Variants in SUCO observed in about 807,000 individuals in gnomAD.
SUCO encodes SUN domain-containing ossification factor.
Under a neutral mutation model 148.1 loss-of-function variants are expected in SUCO, and 57 were observed. The observed-to-expected ratio is 0.38, with a 90% confidence interval of 0.31 to 0.48. The LOEUF (loss-of-function observed/expected upper bound fraction) is 0.48. Ranked by LOEUF, SUCO falls within the 20% of genes least tolerant of loss-of-function variation. The pLI is 0.96. For missense variants in SUCO, 1,331 were observed against 1,468.2 expected, an observed-to-expected ratio of 0.91 and a Z score of 1.53; for synonymous variants, 470 against 502.7, an observed-to-expected ratio of 0.93 and a Z score of 0.87.
intron 8 of SUCO, 153 bp downstream of exon 8, chr1:172,570,324 A>G: frequency 2.0e-6 from 1 of 506,704 alleles, no homozygotes; most frequent in Non-Finnish European, 3.4e-6. Context: ...ATTATCTTGT[A>G]TGAATTCTTA....
In SUCO at chr1:172,598,942, C is replaced by G. The variant is rs193070735; in HGVS notation, c.2914-1122C>G. Among the ~76,000 whole-genome samples, 5 of 152,232 alleles carry G rather than the reference C, an allele frequency of 3.3e-5. No homozygotes were observed. In the East Asian group the frequency reaches 9.6e-4, roughly 29 times the overall value. ...TTTTGTTACAGTTTTATACACCCCCCCTCTCCACACACAGGTACACAGCTT... is the reference window on the plus strand; with the variant it reads ...TTTTGTTACAGTTTTATACACCCCCGCTCTCCACACACAGGTACACAGCTT... On this transcript the variant is annotated intron_variant, in intron 19 of 23. Coordinates refer to ENST00000263688, the MANE Select transcript of SUCO (RefSeq NM_014283.5).
intron 19 of SUCO, among the ~76,000 whole-genome samples, chr1:172,596,548 C>G (rs934313621): frequency 6.6e-5 from 10 of 152,210 alleles, no homozygotes; most frequent in Non-Finnish European, 1.5e-4. Context: ...TGCTGGAGGT[C>G]CACTCCAAAC....
At position 172,602,707 on chromosome 1, in the gene SUCO, C is replaced by T. The variant is rs1343563337; in HGVS notation, c.3185C>T (p.Ser1062Phe). 6.2e-7 allele frequency: 1 copy of T among 1,612,682 alleles called. No homozygotes were observed. The highest frequency in any genetic ancestry group is 1.3e-5 in the African/African-American group (1 of 74,954). ...QYPSPKRCFSSYDDMNLKRRT... is the reference protein window; with the variant it reads ...QYPSPKRCFSFYDDMNLKRRT... ...TCCTAATGTGTTAGGTGTTTCTCTT[C>T]CTATGATGATATGAATTTGAAAAGA... Residue 1062 changes from serine (S) to phenylalanine (F), a missense_variant, in exon 22 of 24, where the codon TCC becomes TTC. Physicochemically the swap from Ser to Phe is radical, Grantham distance 155. Transcript: ENST00000263688.
chr1:172,537,366 A>G (rs998105849), intron 1 of SUCO, among the ~76,000 whole-genome samples: 2 of 152,156 alleles, frequency 1.3e-5, no homozygotes, highest in Non-Finnish European at 2.9e-5. Flanking sequence ...TTGACCTACT[A>G]GATTATTTTA....
Position 172,566,803 on chromosome 1 carries a change from C to T in SUCO, c.733-2216C>T, listed in dbSNP as rs1052550172. Among the ~76,000 whole-genome samples the T allele has an allele frequency of 3.9e-5, 6 of 152,136 alleles. No individual in the cohort carries two copies. The East Asian group carries it at 5.8e-4, about 15-fold the overall frequency. ...ATGGCAGTGCTAAACTGACAAGGCA[C>T]GCTGGTGGGCATGTCTTACAGAAAC... On this transcript the variant is annotated intron_variant, in intron 6 of 23. Transcript: ENST00000263688.
chr1:172,533,417 G>T lies in SUCO; in HGVS notation c.-19G>T, dbSNP rs1344120798. 2.7e-5 allele frequency: 42 copies of T among 1,555,392 alleles called. No individual in the cohort carries two copies. The highest frequency in any genetic ancestry group is 3.5e-5 in the Non-Finnish European group (40 of 1,149,092). ...GGGAGGATGTGCCGCCTTCTGGCAG[G>T]GGGAAGAAGGAGGAGAAGATGAAGA... On this transcript the variant is annotated 5_prime_UTR_variant, in exon 1 of 24. Transcript: ENST00000263688.
intron 20 of SUCO, among the ~76,000 whole-genome samples, chr1:172,601,319 G>A (rs117180050): frequency 3.3e-5 from 5 of 152,102 alleles, no homozygotes; most frequent in East Asian, 3.9e-4. Flanking sequence ...ATGAAACGCC[G>A]TCTCTTCTAA....
chr1:172,601,649 C>CT (rs1483101800), intron 20 of SUCO, among the ~76,000 whole-genome samples: 1 of 152,234 alleles, frequency 6.6e-6, no homozygotes, highest in East Asian at 1.9e-4. Context: ...AGGTTGATCT[C>CT]TAAGTTTTGG....
chr1:172,577,846 G>C, intron 13 of SUCO, 27 bp downstream of exon 13: 1 of 1,558,786 alleles, frequency 6.4e-7, no homozygotes, highest in East Asian at 2.3e-5. Flanking sequence ...TACATTTATT[G>C]AGTTTTTAAA....
chr1:172,534,613 ATTGAC>A (rs1167410376), intron 1 of SUCO, among the ~76,000 whole-genome samples: 2 of 152,218 alleles, frequency 1.3e-5, no homozygotes, highest in Admixed American at 6.5e-5. Context: ...AACAAAAACA[ATTGAC>A]TTATTACCTT....
chr1:172,532,830 C>T (rs1028875884), upstream of SUCO: 2 of 1,564,596 alleles, frequency 1.3e-6, no homozygotes, highest in East Asian at 2.2e-5. Context: ...TGCTGAGGAT[C>T]ACTGGGCTCC....
At chr1:172,554,538 AC>A (rs1653577419) in intron 3 of SUCO, among the ~76,000 whole-genome samples, 1 of 152,170 alleles carries the variant, frequency 6.6e-6, no homozygotes, top group African/African-American at 2.4e-5. Flanking sequence ...GGAGTTCGAG[AC>A]CAGCCTGGCC....
intron 16 of SUCO, 39 bp downstream of exon 16, chr1:172,585,125 C>T (rs182286704): frequency 5.3e-5 from 75 of 1,415,864 alleles, no homozygotes; most frequent in Non-Finnish European, 2.9e-5. Context: ...ATAGCTGGTA[C>T]TCCAGGGATC....
rs1278099749 is a variant in SUCO at position 172,580,675 on chromosome 1, G to T, written c.1498+1408G>T. 2.0e-5 allele frequency among the ~76,000 whole-genome samples: 3 copies of T among 152,128 alleles called. No homozygotes were observed. The East Asian group carries it at 5.8e-4, about 29-fold the overall frequency. ...CAGACTAAAAGATCTCTAGCTTCTG[G>T]TAGGTACTGGAAAAAAGAGGACACC... On this transcript the variant is annotated intron_variant, in intron 15 of 23. Transcript: ENST00000263688.
rs1558164169 is a variant in SUCO, at chr1:172,533,462, C to T, written c.27C>T (p.Ala9=). 2.4e-5 allele frequency: 38 copies of T among 1,565,122 alleles called. No individual in the cohort carries two copies. Among genetic ancestry groups the T allele is most frequent in the East Asian group, 4.7e-5 (2 of 42,164 alleles). ...TGAAGAAGCACCGGCGGGCCTTGGCCCTGGTCTCCTGCCTCTTTCTGTGCT... is the reference window on the plus strand; with the variant it reads ...TGAAGAAGCACCGGCGGGCCTTGGCTCTGGTCTCCTGCCTCTTTCTGTGCT... MKKHRRAL[A]LVSCLFLCSL... Residue 9 remains alanine (A), a synonymous_variant, in exon 1 of 24, where the codon GCC becomes GCT. Coordinates refer to ENST00000263688, the MANE Select transcript of SUCO (RefSeq NM_014283.5).
At position 172,588,908 on chromosome 1, in the gene SUCO, G is replaced by A. The variant is rs1246271874; in HGVS notation, c.1807G>A (p.Asp603Asn). 1 of 1,613,192 alleles carries A rather than the reference G, an allele frequency of 6.2e-7. No homozygotes were observed. The highest frequency in any genetic ancestry group is 2.2e-5 in the East Asian group (1 of 44,874). ...VTLLGSGEQE[D>N]ESSPWFESET... The stretch of plus-strand genomic sequence containing the variant: ...CCTTCTGGGCAGCGGTGAACAGGAA[G>A]ATGAATCATCACCCTGGTTTGAGTC... The change falls in exon 18 of 24, where the codon GAT (aspartate) becomes AAT (asparagine). Residue 603 changes from aspartate to asparagine, a missense_variant. By Grantham distance (23) the Asp-to-Asn change is conservative. Around this residue, in one of 3 missense-constraint regions of SUCO, gnomAD observed 992 missense variants for 1,093.5 expected, o/e 0.91. Coordinates refer to ENST00000263688, the MANE Select transcript of SUCO (RefSeq NM_014283.5).
Position 172,589,491 on chromosome 1 carries a change from ATAAAGT to A in SUCO, c.2394_2399del (p.Lys798_Val799del). On this transcript the variant is annotated inframe_deletion, in exon 18 of 24. Transcript: ENST00000263688. ...AAACCATCTATTACCTATGAAACAA[ATAAAGT>A]TAATGAGTTAATGGATAATATTATA... 6.2e-7 allele frequency: 1 copy of A among 1,611,348 alleles called. No homozygotes were observed. Among genetic ancestry groups the A allele is most frequent in the Non-Finnish European group, 8.5e-7 (1 of 1,179,002 alleles).
At chr1:172,571,711 G>GCGA (rs1329613728) in intron 9 of SUCO, among the ~76,000 whole-genome samples, 2 of 84,062 alleles carry the variant, frequency 2.4e-5, no homozygotes, top group African/African-American at 1.1e-4. Flanking sequence ...CTGCCCCGCC[G>GCGA]CCCCGTCTGG....
intron 20 of SUCO, among the ~76,000 whole-genome samples, chr1:172,601,408 A>G (rs1657516414): frequency 6.6e-6 from 1 of 151,856 alleles, no homozygotes; most frequent in South Asian, 2.1e-4. Flanking sequence ...CCAAGGCAGG[A>G]GAATTAGTTG....
Sources: gnomAD v4.1 joint callset for allele counts (sites outside exome capture counted in the v4.1 genomes callset) on GRCh38, gnomAD v4.1.1 for gene constraint, gnomAD v4.1.1 regional missense constraint, MANE v1.5 for transcripts, NCBI Gene and HGNC (gene_info 2026-07-23, HGNC 2026-07-21) for gene names.